TDG: variants seen among roughly 807,000 people sequenced by gnomAD.
The protein encoded by TDG is G/T mismatch-specific thymine DNA glycosylase.
TDG carries 23 observed loss-of-function variants against 46.1 expected under a neutral mutation model. The ratio of observed to expected loss-of-function variants is 0.50; its 90% CI spans 0.36 to 0.71. The LOEUF is 0.71. Ranked by LOEUF, TDG falls within the 30% of genes least tolerant of loss-of-function variation. The pLI, the probability that TDG is intolerant of heterozygous loss-of-function variation, is 0.00. For synonymous variants in TDG, 115 were observed against 161.3 expected, an observed-to-expected ratio of 0.71 and a Z score of 2.18; for missense variants, 304 against 486.7, an observed-to-expected ratio of 0.62 and a Z score of 3.53.
At chr12:103,983,599 TA>T (rs1437854705) in intron 7 of TDG, among the ~76,000 whole-genome samples, 1 of 152,240 alleles carries the variant, frequency 6.6e-6, no homozygotes, top group Non-Finnish European at 1.5e-5. Flanking sequence ...ATTTGTCAGC[TA>T]AATGTCTTGA....
At chr12:103,969,325 A>C (rs1415914440) in intron 1 of TDG, among the ~76,000 whole-genome samples, 7 of 152,196 alleles carry the variant, frequency 4.6e-5, no homozygotes, top group African/African-American at 1.7e-4. Flanking sequence ...CTAGCTAGCA[A>C]ATGTGCTTTA....
intron 1 of TDG, among the ~76,000 whole-genome samples, chr12:103,972,576 C>T (rs183774187): frequency 1.6e-4 from 24 of 152,228 alleles, no homozygotes; most frequent in East Asian, 7.7e-4. Context: ...GTTTAATGCT[C>T]GAAGATAGTG....
rs1872105475 is a variant in TDG at position 103,985,604 on chromosome 12, G to T, written c.966G>T (p.Glu322Asp). 6.2e-7 allele frequency: 1 copy of T among 1,613,334 alleles called. No homozygotes were observed. Among genetic ancestry groups the T allele is most frequent in the Non-Finnish European group, 8.5e-7 (1 of 1,179,614 alleles). ...QYTFDLQLAQ[E>D]DAKKMAVKEE... ...AAATCCTTTTTACCTTCCTCACAGA[G>T]GATGCAAAGAAGATGGCTGTTAAGG... is the stretch of plus-strand genomic sequence containing the variant. The change falls in exon 9 of 10, where the codon GAG (glutamate) becomes GAT (aspartate). Residue 322 changes from glutamate to aspartate, a missense_variant and splice_region_variant. By Grantham distance (45) the Glu-to-Asp change is conservative. Transcript: ENST00000392872.
intron 8 of TDG, 76 bp downstream of exon 8, chr12:103,984,996 C>CAT: frequency 8.5e-7 from 1 of 1,178,648 alleles, no homozygotes; most frequent in Non-Finnish European, 1.1e-6. Flanking sequence ...TATATATACA[C>CAT]ATATACATAT....
rs188793859 is a variant in TDG at position 103,972,626 on chromosome 12, A to G, written c.24-4292A>G. ...AACACATTTGATTTTCCATAGGTTT[A>G]TTTTCCTTTACCTGTTCTAATTTAA... On this transcript the variant is annotated intron_variant, in intron 1 of 9. Transcript: ENST00000392872. Among the ~76,000 whole-genome samples, 16 of 152,196 alleles carry G rather than the reference A, an allele frequency of 1.1e-4. 1 individual carries two copies. Among genetic ancestry groups the G allele is most frequent in the Admixed American group, 8.5e-4 (13 of 15,278 alleles).
At chr12:103,981,322 A>G (rs976861409) in intron 4 of TDG, among the ~76,000 whole-genome samples, 11 of 131,324 alleles carry the variant, frequency 8.4e-5, no homozygotes, top group African/African-American at 2.9e-4. Context: ...CACAATCTCC[A>G]CCTCCCAGGT....
intron 3 of TDG, 75 bp from the exon 4 acceptor site, chr12:103,980,818 A>G: frequency 7.4e-7 from 1 of 1,348,128 alleles, no homozygotes; most frequent in South Asian, 1.3e-5. Flanking sequence ...AATTTTGTCC[A>G]CCACTCCTCC....
Position 103,976,967 on chromosome 12 carries a change from C to T in TDG, c.73C>T (p.Leu25=). The stretch of plus-strand genomic sequence containing the variant: ...TTTTTATACGTTTCCATTTCAACAA[C>T]TGATGGCTGAAGCTCCTAATATGGC... ...QAFYTFPFQQ[L]MAEAPNMAVV... The change falls in exon 2 of 10, where the codon CTG becomes TTG. Residue 25 remains leucine (L), a synonymous_variant. Coordinates refer to ENST00000392872, the MANE Select transcript of TDG (RefSeq NM_003211.6). The T allele has an allele frequency of 6.2e-7, 1 of 1,614,080 alleles. No individual in the cohort carries two copies. The highest frequency in any genetic ancestry group is 8.5e-7 in the Non-Finnish European group (1 of 1,180,012).
At chr12:103,972,987 G>A (rs1220385630) in intron 1 of TDG, 1 of 702,212 alleles carries the variant, frequency 1.4e-6, no homozygotes, top group African/African-American at 1.8e-5. Context: ...TGCTCAAAAT[G>A]GGACATGTGA....
At chr12:103,973,577 C>T (rs4135072) in intron 1 of TDG, among the ~76,000 whole-genome samples, 1 of 152,172 alleles carries the variant, frequency 6.6e-6, no homozygotes, top group Non-Finnish European at 1.5e-5. Flanking sequence ...TAGCCATATC[C>T]AACTCATCAT....
chr12:103,983,894 A>G (rs1037394461), intron 7 of TDG, among the ~76,000 whole-genome samples: 10 of 152,244 alleles, frequency 6.6e-5, no homozygotes, highest in Admixed American at 5.2e-4. Flanking sequence ...TCATCATGAA[A>G]TAACAGTGTT....
intron 1 of TDG, among the ~76,000 whole-genome samples, chr12:103,972,471 T>G (rs758886069): frequency 4.6e-5 from 7 of 152,192 alleles, no homozygotes; most frequent in Non-Finnish European, 8.8e-5. Flanking sequence ...GATTTTTGTG[T>G]AGATGTAATG....
At position 103,986,995 on chromosome 12, in the gene TDG, A is replaced by G; in HGVS notation, c.1138A>G (p.Asn380Asp). Residue 380 changes from asparagine (N) to aspartate (D), a missense_variant, in exon 10 of 10, where the codon AAT becomes GAT. Physicochemically the swap from Asn to Asp is conservative, Grantham distance 23. Coordinates refer to ENST00000392872, the MANE Select transcript of TDG (RefSeq NM_003211.6). ...RGESAFSGIP[N>D]GQWMTQSFTD... The stretch of plus-strand genomic sequence containing the variant: ...AGAATCAGCTTTCAGTGGCATTCCT[A>G]ATGGGCAGTGGATGACCCAGTCATT... 2.5e-6 allele frequency: 4 copies of G among 1,614,280 alleles called. No homozygotes were observed. The highest frequency in any genetic ancestry group is 1.1e-5 in the South Asian group (1 of 91,092).
At chr12:103,975,329 A>C (rs1420300640) in intron 1 of TDG, among the ~76,000 whole-genome samples, 1 of 152,246 alleles carries the variant, frequency 6.6e-6, no homozygotes. Context: ...ACATGTTTAC[A>C]AAATATCCAT....
rs1436538040 is a variant in TDG at position 103,987,960 on chromosome 12, A to G, written c.*870A>G. Reference sequence around the variant, plus strand: ...GATGCTGGAGATATTTGATACTCTCATTTAAACTGGTGCTTTATGTACATG... The same window carrying G: ...GATGCTGGAGATATTTGATACTCTCGTTTAAACTGGTGCTTTATGTACATG... On this transcript the variant is annotated 3_prime_UTR_variant, in exon 10 of 10. Coordinates refer to ENST00000392872, the MANE Select transcript of TDG (RefSeq NM_003211.6). 6.6e-6 allele frequency: 1 copy of G among 152,616 alleles called. No homozygotes were observed. The highest frequency in any genetic ancestry group is 1.5e-5 in the Non-Finnish European group (1 of 67,992). 9.5% of individuals were successfully genotyped at this position (152,616 alleles called of 1,614,324 possible).
intron 1 of TDG, among the ~76,000 whole-genome samples, chr12:103,969,305 G>A (rs143915776): frequency 6.6e-6 from 1 of 152,318 alleles, no homozygotes; most frequent in East Asian, 1.9e-4. Flanking sequence ...TAGCTTCAAA[G>A]TCTGCTTCTC....
chr12:103,968,805 A>G (rs1036428520), intron 1 of TDG, among the ~76,000 whole-genome samples: 1 of 152,208 alleles, frequency 6.6e-6, no homozygotes, highest in African/African-American at 2.4e-5. Flanking sequence ...CAAAATTTTT[A>G]CTTAATCAAT....
At chr12:103,967,456 CT>C (rs35778626) in intron 1 of TDG, among the ~76,000 whole-genome samples, 51,893 of 121,126 alleles carry the variant, frequency 0.43, 11,536 homozygotes, top group East Asian at 0.96. Flanking sequence ...AATAAATTTA[CT>C]TTTTTTTTTT....
At chr12:103,970,449 G>T (rs1871239884) in intron 1 of TDG, among the ~76,000 whole-genome samples, 1 of 152,226 alleles carries the variant, frequency 6.6e-6, no homozygotes, top group Non-Finnish European at 1.5e-5. Context: ...CTGCACTCCA[G>T]CCTGGGTGGC....
Sources: allele counts gnomAD v4.1 joint callset (sites outside exome capture counted in the v4.1 genomes callset), GRCh38; gene constraint gnomAD v4.1.1; transcripts MANE v1.5; gene names NCBI Gene and HGNC (gene_info 2026-07-23, HGNC 2026-07-21).